AKAP6: variants seen among roughly 807,000 people sequenced by gnomAD.
AKAP6 encodes A-kinase anchoring protein 6.
In AKAP6, 58 loss-of-function variants were observed where a neutral mutation model predicts 188.5. The ratio of observed to expected loss-of-function variants is 0.31; its 90% CI spans 0.25 to 0.38. The LOEUF (loss-of-function observed/expected upper bound fraction) is 0.38, where lower values mean the gene tolerates loss of function less well. Among genes scored for constraint, AKAP6 ranks in the 10% least tolerant of loss-of-function variants. The probability of loss-of-function intolerance (pLI) is 1.00; values close to 1 mark genes in which losing one functional copy is unlikely to be tolerated. For synonymous variants in AKAP6, 989 were observed against 998.6 expected, an observed-to-expected ratio of 0.99 and a Z score of 0.18; for missense variants, 2,710 against 2,740.0, an observed-to-expected ratio of 0.99 and a Z score of 0.24.
Position 32,798,219 on chromosome 14 carries a change from G to A in AKAP6, c.3589-23183G>A, listed in dbSNP as rs564452601. Among the ~76,000 whole-genome samples the A allele has an allele frequency of 3.9e-5, 6 of 152,270 alleles. No individual in the cohort carries two copies. The South Asian group carries it at 8.3e-4, about 21-fold the overall frequency. ...ATGCCATCTTACACCAGTTAGAATG[G>A]CTATTATTAAAAAGTCAAAAAATAA... On this transcript the variant is annotated intron_variant, in intron 12 of 13. Transcript: ENST00000280979.
chr14:32,429,438 T>TA, intron 1 of AKAP6, among the ~76,000 whole-genome samples: 1 of 152,296 alleles, frequency 6.6e-6, no homozygotes, highest in Middle Eastern at 3.4e-3. Context: ...GAAGCATTTT[T>TA]AAAAAATTAT....
At chr14:32,405,184 G>A (rs373593076) in intron 1 of AKAP6, among the ~76,000 whole-genome samples, 1 of 151,950 alleles carries the variant, frequency 6.6e-6, no homozygotes, top group Non-Finnish European at 1.5e-5. Flanking sequence ...TGCCATTCTG[G>A]GATCATTTTG....
chr14:32,538,330 T>TA (rs138424726), intron 3 of AKAP6, among the ~76,000 whole-genome samples: 5,481 of 151,924 alleles, frequency 0.036, 155 homozygotes, highest in East Asian at 0.073. Context: ...AATGGCAAAA[T>TA]AAAAAAACAC....
In AKAP6 at chr14:32,833,355, A is replaced by T. The variant is rs1379142072; in HGVS notation, c.*3550A>T. On this transcript the variant is annotated 3_prime_UTR_variant, in exon 14 of 14. Coordinates refer to ENST00000280979, the MANE Select transcript of AKAP6 (RefSeq NM_004274.5). ...TGATTATGACTTTTGTCTCAATTAA[A>T]TGATGACCTCATTTAGTTTCTGATG... 1 of 152,240 alleles carries T rather than the reference A, an allele frequency of 6.6e-6. No individual in the cohort carries two copies. The highest frequency in any genetic ancestry group is 1.5e-5 in the Non-Finnish European group (1 of 68,036). 9.4% of individuals were successfully genotyped at this position (152,240 alleles called of 1,614,324 possible).
intron 9 of AKAP6, among the ~76,000 whole-genome samples, chr14:32,731,717 A>G (rs1420314062): frequency 6.6e-6 from 1 of 152,094 alleles, no homozygotes; most frequent in Non-Finnish European, 1.5e-5. Context: ...AGTTATCCAA[A>G]TAGAGTTATT....
At chr14:32,756,965 C>T (rs1183045730) in intron 11 of AKAP6, among the ~76,000 whole-genome samples, 1 of 152,098 alleles carries the variant, frequency 6.6e-6, no homozygotes, top group Admixed American at 6.5e-5. Context: ...CCATGAGTGC[C>T]AAGCTGTAGT....
chr14:32,813,399 C>CA (rs1491279957), intron 12 of AKAP6, among the ~76,000 whole-genome samples: 1 of 125,024 alleles, frequency 8.0e-6, no homozygotes, highest in African/African-American at 3.1e-5. Flanking sequence ...ACCCCCCCCC[C>CA]CAACCCCTTT....
chr14:32,360,518 C>A, intron 1 of AKAP6, among the ~76,000 whole-genome samples: 1 of 152,106 alleles, frequency 6.6e-6, no homozygotes, highest in East Asian at 1.9e-4. Flanking sequence ...TGGTGATTTT[C>A]TATTTCCCTC....
At chr14:32,548,364 A>T (rs1396468070) in intron 4 of AKAP6, among the ~76,000 whole-genome samples, 4 of 151,916 alleles carry the variant, frequency 2.6e-5, no homozygotes, top group Non-Finnish European at 5.9e-5. Context: ...GGCATCCCAA[A>T]GTGCTGGGAT....
intron 11 of AKAP6, among the ~76,000 whole-genome samples, chr14:32,759,219 T>C (rs1022690025): frequency 6.6e-6 from 1 of 152,230 alleles, no homozygotes; most frequent in Admixed American, 6.5e-5. Context: ...GATATTTTTC[T>C]TTCTTTTTTG....
chr14:32,604,004 G>A (rs1043464305), intron 7 of AKAP6, among the ~76,000 whole-genome samples: 2 of 152,070 alleles, frequency 1.3e-5, no homozygotes, highest in Non-Finnish European at 2.9e-5. Context: ...CTTGAGATAT[G>A]AATTTAAATA....
intron 12 of AKAP6, among the ~76,000 whole-genome samples, chr14:32,799,815 C>G (rs1376944962): frequency 6.6e-6 from 1 of 151,800 alleles, no homozygotes; most frequent in South Asian, 2.1e-4. Context: ...CTATAAATGT[C>G]AATTAGATCA....
intron 1 of AKAP6, among the ~76,000 whole-genome samples, chr14:32,380,333 G>A (rs1173265366): frequency 2.6e-5 from 4 of 152,152 alleles, no homozygotes; most frequent in Non-Finnish European, 4.4e-5. Flanking sequence ...ACATGATCGA[G>A]CGACCTGTGG....
intron 2 of AKAP6, among the ~76,000 whole-genome samples, chr14:32,510,280 C>G (rs955035719): frequency 4.0e-5 from 6 of 150,778 alleles, no homozygotes; most frequent in Admixed American, 2.7e-4. Context: ...AACAAACAGG[C>G]AAGCAAAAAG....
At chr14:32,450,292 G>C (rs1196719883) in intron 2 of AKAP6, among the ~76,000 whole-genome samples, 1 of 152,108 alleles carries the variant, frequency 6.6e-6, no homozygotes, top group Non-Finnish European at 1.5e-5. Flanking sequence ...TTTTGTGACT[G>C]TGGTAGGGTG....
chr14:32,810,273 CA>C (rs2034192174), intron 12 of AKAP6, among the ~76,000 whole-genome samples: 1 of 150,872 alleles, frequency 6.6e-6, no homozygotes, highest in Admixed American at 6.6e-5. Flanking sequence ...TTTTAATTTA[CA>C]AAATGAATTC....
intron 3 of AKAP6, among the ~76,000 whole-genome samples, chr14:32,538,912 C>T (rs1882800248): frequency 6.6e-6 from 1 of 152,004 alleles, no homozygotes; most frequent in African/African-American, 2.4e-5. Context: ...GGATATAAAT[C>T]TAGGTGTACT....
chr14:32,335,390 T>TA (rs1339889451), intron 1 of AKAP6, among the ~76,000 whole-genome samples: 1 of 152,196 alleles, frequency 6.6e-6, no homozygotes, highest in South Asian at 2.1e-4. Flanking sequence ...CCCCCACTGA[T>TA]ACTGCCTGAG....
At chr14:32,803,095 A>C (rs1389882453) in intron 12 of AKAP6, among the ~76,000 whole-genome samples, 11 of 152,158 alleles carry the variant, frequency 7.2e-5, no homozygotes, top group Non-Finnish European at 1.6e-4. Context: ...GTCTTAAAAA[A>C]GATTTTTTAG....
Sources: allele counts gnomAD v4.1 joint callset (sites outside exome capture counted in the v4.1 genomes callset), GRCh38; gene constraint gnomAD v4.1.1; transcripts MANE v1.5; gene names NCBI Gene and HGNC (gene_info 2026-07-23, HGNC 2026-07-21).